Variants in NRXN1 observed in about 807,000 individuals in gnomAD.
NRXN1 encodes the protein neurexin 1.
In NRXN1, 39 loss-of-function variants were observed where a neutral mutation model predicts 150.9. That is an observed-to-expected ratio of 0.26 (90% CI 0.20 to 0.34). The LOEUF (loss-of-function observed/expected upper bound fraction) is 0.34, where lower values mean the gene tolerates loss of function less well. Ranked by LOEUF, NRXN1 falls within the 10% of genes least tolerant of loss-of-function variation. The probability of loss-of-function intolerance (pLI) is 1.00; values close to 1 mark genes in which losing one functional copy is unlikely to be tolerated. For synonymous variants in NRXN1, 924 were observed against 757.0 expected (o/e 1.22, Z -3.62); for missense variants, 1,815 against 1,949.9 (o/e 0.93, Z 1.30).
intron 5 of NRXN1, among the ~76,000 whole-genome samples, chr2:50,625,768 T>C (rs769887791): frequency 6.6e-6 from 1 of 152,062 alleles, no homozygotes; most frequent in Admixed American, 6.6e-5. Context: ...TGGTTAGAGA[T>C]ACCAATCTTT....
intron 5 of NRXN1, among the ~76,000 whole-genome samples, chr2:50,655,669 G>T (rs551760090): frequency 4.8e-4 from 72 of 151,080 alleles, no homozygotes; most frequent in South Asian, 8.3e-4. Context: ...TTTTCTTTTG[G>T]GGGGGGAGGG....
At chr2:50,411,468 C>T (rs572363755) in intron 17 of NRXN1, among the ~76,000 whole-genome samples, 2 of 152,076 alleles carry the variant, frequency 1.3e-5, no homozygotes, top group East Asian at 1.9e-4. Context: ...AAGTGAGGAG[C>T]GTCTCTGCCC....
At chr2:50,797,038 C>T (rs530302543) in intron 5 of NRXN1, among the ~76,000 whole-genome samples, 4 of 152,216 alleles carry the variant, frequency 2.6e-5, no homozygotes, top group East Asian at 3.9e-4. Context: ...TATAAGAGCA[C>T]GAATCCTATT....
chr2:50,535,036 T>C (rs950299655), intron 10 of NRXN1, among the ~76,000 whole-genome samples: 2 of 152,154 alleles, frequency 1.3e-5, no homozygotes, highest in African/African-American at 4.8e-5. Flanking sequence ...ATTCTCAATG[T>C]GAAAATAACT....
chr2:50,490,536 G>T (rs982747426), intron 15 of NRXN1, among the ~76,000 whole-genome samples: 4 of 152,174 alleles, frequency 2.6e-5, no homozygotes, highest in Non-Finnish European at 4.4e-5. Context: ...ACCCTGTACT[G>T]GGGGGAATTG....
chr2:50,688,633 G>A (rs1691608329), intron 5 of NRXN1, among the ~76,000 whole-genome samples: 1 of 152,166 alleles, frequency 6.6e-6, no homozygotes, highest in Admixed American at 6.5e-5. Context: ...AAAGCAATAG[G>A]AGATAGCATC....
At chr2:50,268,318 T>G (rs2152920549) in intron 17 of NRXN1, among the ~76,000 whole-genome samples, 1 of 152,330 alleles carries the variant, frequency 6.6e-6, no homozygotes, top group South Asian at 2.1e-4. Context: ...TTCTTTAATT[T>G]TCATAAACAC....
chr2:50,812,833 A>T (rs1036925562), intron 5 of NRXN1, among the ~76,000 whole-genome samples: 1 of 151,698 alleles, frequency 6.6e-6, no homozygotes, highest in African/African-American at 2.4e-5. Flanking sequence ...GTTAAACCTC[A>T]GAAGAGAATA....
rs908620727 is a variant in NRXN1, at chr2:50,028,877, T to C, written c.4128+24394A>G. The stretch of plus-strand genomic sequence containing the variant: ...ATAATCTTGGAATCTTAACATGTAA[T>C]TAGGTGAACAATAAAACTATATAAC... On this transcript the variant is annotated intron_variant, in intron 21 of 22. Coordinates refer to ENST00000401669, the MANE Select transcript of NRXN1 (RefSeq NM_001330078.2). 2.6e-5 allele frequency among the ~76,000 whole-genome samples: 4 copies of C among 152,328 alleles called. No individual in the cohort carries two copies. The East Asian group carries it at 7.7e-4, about 29-fold the overall frequency.
At chr2:50,521,667 A>T (rs1460175768) in intron 12 of NRXN1, among the ~76,000 whole-genome samples, 3 of 152,194 alleles carry the variant, frequency 2.0e-5, no homozygotes, top group Admixed American at 2.0e-4. Context: ...TAATCTGTTG[A>T]ACAGATTGTA....
Position 49,920,973 on chromosome 2 carries a change from AAAGT to A in NRXN1, c.*967_*970del. ...TACACTGTAATTTCTTTAAAAAATA[AAAGT>A]AATTGTGGCAATTTATAATGGTGGC... On this transcript the variant is annotated 3_prime_UTR_variant, in exon 23 of 23. Coordinates refer to ENST00000401669, the MANE Select transcript of NRXN1 (RefSeq NM_001330078.2). 6.6e-6 allele frequency: 1 copy of A among 151,806 alleles called. No homozygotes were observed. The highest frequency in any genetic ancestry group is 1.5e-5 in the Non-Finnish European group (1 of 67,818). The allele number at this position is 151,806 out of a possible 1,614,324, so 9.4% of individuals were successfully genotyped here.
chr2:50,988,502 A>G (rs1698057214), intron 2 of NRXN1, among the ~76,000 whole-genome samples: 1 of 151,934 alleles, frequency 6.6e-6, no homozygotes, highest in African/African-American at 2.4e-5. Context: ...CTAACCAAGG[A>G]GACAATCCAT....
intron 21 of NRXN1, among the ~76,000 whole-genome samples, chr2:49,955,932 C>T (rs1201729960): frequency 6.6e-6 from 1 of 152,064 alleles, no homozygotes; most frequent in East Asian, 1.9e-4. Flanking sequence ...AAGAGTTATA[C>T]AGGCAAGGAA....
chr2:50,894,714 T>C (rs1206148748), intron 5 of NRXN1, among the ~76,000 whole-genome samples: 2 of 152,068 alleles, frequency 1.3e-5, no homozygotes, highest in East Asian at 3.9e-4. Flanking sequence ...TATCTCAAAC[T>C]AAAAAATAAA....
chr2:50,981,244 G>A (rs1220711588), intron 2 of NRXN1, among the ~76,000 whole-genome samples: 3 of 151,644 alleles, frequency 2.0e-5, no homozygotes, highest in African/African-American at 7.3e-5. Flanking sequence ...ATCACTTGAG[G>A]CCAAGAGTTT....
At chr2:50,006,385 G>A (rs1558678086) in intron 21 of NRXN1, among the ~76,000 whole-genome samples, 1 of 152,064 alleles carries the variant, frequency 6.6e-6, no homozygotes, top group East Asian at 1.9e-4. Flanking sequence ...TCCATTCCCT[G>A]GCTTAAAAAA....
intron 17 of NRXN1, among the ~76,000 whole-genome samples, chr2:50,464,877 GT>G (rs2104641203): frequency 6.6e-6 from 1 of 151,892 alleles, no homozygotes; most frequent in South Asian, 2.1e-4. Flanking sequence ...TGAATCATGT[GT>G]TTTATTTTCA....
At chr2:50,573,533 ATAGT>A (rs912041109) in intron 8 of NRXN1, among the ~76,000 whole-genome samples, 2 of 150,596 alleles carry the variant, frequency 1.3e-5, no homozygotes, top group African/African-American at 2.4e-5. Flanking sequence ...TAACTATTAG[ATAGT>A]TAATTATTAG....
At chr2:49,936,078 A>C (rs1259188468) in intron 22 of NRXN1, among the ~76,000 whole-genome samples, 3 of 152,164 alleles carry the variant, frequency 2.0e-5, no homozygotes, top group Non-Finnish European at 2.9e-5. Flanking sequence ...CTGCCTAAAA[A>C]CTTATGCTGT....
Sources: allele counts gnomAD v4.1 joint callset (sites outside exome capture counted in the v4.1 genomes callset), GRCh38; gene constraint gnomAD v4.1.1; transcripts MANE v1.5; gene names NCBI Gene and HGNC (gene_info 2026-07-23, HGNC 2026-07-21).